The following CACNA1C variants were observed in gnomAD, a reference collection of about 807,000 sequenced individuals.
CACNA1C encodes the protein voltage-dependent L-type calcium channel subunit alpha-1C.
CACNA1C carries 30 observed loss-of-function variants against 229.0 expected under a neutral mutation model. The observed-to-expected ratio is 0.13, with a 90% CI of 0.10 to 0.18. CACNA1C has a LOEUF of 0.18. Among genes scored for constraint, CACNA1C ranks in the 10% least tolerant of loss-of-function variants. The pLI is 1.00. For missense variants in CACNA1C, 1,658 were observed against 2,845.0 expected (o/e 0.58, Z 9.49); for synonymous variants, 1,114 against 1,132.5 (o/e 0.98, Z 0.33).
At chr12:2,394,965 A>G (rs1256501426) in intron 3 of CACNA1C, among the ~76,000 whole-genome samples, 2 of 152,062 alleles carry the variant, frequency 1.3e-5, no homozygotes. Flanking sequence ...TGTTTATTTC[A>G]CTTAGTTTCC....
chr12:2,146,200 A>G (rs1724798162), intron 3 of CACNA1C, among the ~76,000 whole-genome samples: 1 of 151,004 alleles, frequency 6.6e-6, no homozygotes, highest in African/African-American at 2.4e-5. Context: ...GGAATTTATG[A>G]TCAGACTGGG....
rs533341825 is a variant in CACNA1C at position 2,589,668 on chromosome 12, G to A, written c.2531-3545G>A. Among the ~76,000 whole-genome samples, 6 of 152,100 alleles carry A rather than the reference G, an allele frequency of 3.9e-5. No homozygotes were observed. The South Asian group carries it at 1.2e-3, about 32-fold the overall frequency. The stretch of plus-strand genomic sequence containing the variant: ...GTCTGAGCAGAGGAGGCCCTGACCT[G>A]ATGTCCGACTCACCCTTTCAGAGAT... On this transcript the variant is annotated intron_variant, in intron 18 of 46. Coordinates refer to ENST00000399655, the MANE Select transcript of CACNA1C (RefSeq NM_000719.7).
intron 3 of CACNA1C, among the ~76,000 whole-genome samples, chr12:2,256,637 G>A (rs2077985363): frequency 1.3e-5 from 2 of 152,220 alleles, no homozygotes; most frequent in Non-Finnish European, 2.9e-5. Context: ...ACGTAAAGCA[G>A]ATGGCGCGTT....
At chr12:2,135,736 T>G (rs1483539017) in intron 3 of CACNA1C, among the ~76,000 whole-genome samples, 1 of 146,366 alleles carries the variant, frequency 6.8e-6, no homozygotes, top group African/African-American at 2.7e-5. Context: ...CATTTAAGTC[T>G]GCAGAAGTTA....
intron 1 of CACNA1C, chr12:2,004,466 T>C: frequency 6.3e-6 from 10 of 1,582,152 alleles, no homozygotes; most frequent in African/African-American, 1.3e-5. Context: ...ACGGGGCTCT[T>C]GGAAGCCACT....
At chr12:2,035,041 G>A (rs747308668) in intron 1 of CACNA1C, among the ~76,000 whole-genome samples, 2 of 152,192 alleles carry the variant, frequency 1.3e-5, no homozygotes, top group African/African-American at 4.8e-5. Flanking sequence ...CCGCAACCGC[G>A]ACAGCCCCGT....
Position 2,324,892 on chromosome 12 carries a change from C to T in CACNA1C, c.478-124084C>T, listed in dbSNP as rs569631071. Among the ~76,000 whole-genome samples, 3 of 152,198 alleles carry T rather than the reference C, an allele frequency of 2.0e-5. No homozygotes were observed. In the South Asian group the frequency reaches 6.2e-4, roughly 32 times the overall value. On this transcript the variant is annotated intron_variant, in intron 3 of 46. Transcript: ENST00000399655. ...AGTACCTACTACGTGCCAGGGACTG[C>T]GCTGGATAGCTTTCTGTAAGCTATT... is the stretch of plus-strand genomic sequence containing the variant.
At chr12:2,509,687 G>A (rs538018359) in intron 8 of CACNA1C, among the ~76,000 whole-genome samples, 2 of 152,178 alleles carry the variant, frequency 1.3e-5, no homozygotes, top group East Asian at 1.9e-4. Context: ...TATGCTTGGG[G>A]CCATTTTAAA....
chr12:2,556,877 C>T (rs2044603076), intron 10 of CACNA1C, 74 bp from the exon 11 acceptor site: 3 of 1,269,548 alleles, frequency 2.4e-6, no homozygotes, highest in African/African-American at 2.9e-5. Flanking sequence ...ATCAAATTTC[C>T]CTGGGACTGT....
At chr12:1,972,940 T>A (rs979405267) in intron 1 of CACNA1C, among the ~76,000 whole-genome samples, 6 of 152,198 alleles carry the variant, frequency 3.9e-5, no homozygotes, top group African/African-American at 1.4e-4. Context: ...GCAATGACGC[T>A]GCCTGTGTGC....
chr12:2,482,135 T>C (rs2099678217), intron 5 of CACNA1C, among the ~76,000 whole-genome samples: 1 of 152,182 alleles, frequency 6.6e-6, no homozygotes, highest in Non-Finnish European at 1.5e-5. Flanking sequence ...CCGCACGCCT[T>C]CACAAGCCAG....
At chr12:2,125,236 G>A (rs939835626) in intron 3 of CACNA1C, among the ~76,000 whole-genome samples, 1 of 152,122 alleles carries the variant, frequency 6.6e-6, no homozygotes, top group African/African-American at 2.4e-5. Context: ...TCAAAATCGT[G>A]GCTCATGGCA....
intron 1 of CACNA1C, among the ~76,000 whole-genome samples, chr12:2,005,916 C>T (rs1471274252): frequency 1.3e-5 from 2 of 152,220 alleles, no homozygotes; most frequent in Non-Finnish European, 2.9e-5. Flanking sequence ...AGAATATCCA[C>T]AATTGTCTGA....
At chr12:2,258,997 C>G (rs1280283443) in intron 3 of CACNA1C, among the ~76,000 whole-genome samples, 1 of 152,196 alleles carries the variant, frequency 6.6e-6, no homozygotes, top group African/African-American at 2.4e-5. Context: ...TGGAATTACA[C>G]TAGTGAGTTC....
chr12:2,559,885 TTAAAAAA>T (rs751302483), intron 11 of CACNA1C, among the ~76,000 whole-genome samples: 1 of 152,222 alleles, frequency 6.6e-6, no homozygotes, highest in Non-Finnish European at 1.5e-5. Context: ...AGTAGGCAGG[TTAAAAAA>T]TAAAAAGAAA....
intron 3 of CACNA1C, among the ~76,000 whole-genome samples, chr12:2,167,076 C>T (rs1004650249): frequency 6.6e-6 from 1 of 152,208 alleles, no homozygotes; most frequent in African/African-American, 2.4e-5. Context: ...ATTCAACCCA[C>T]GTTTATCATC....
intron 3 of CACNA1C, among the ~76,000 whole-genome samples, chr12:2,150,921 G>A (rs1055091897): frequency 7.9e-5 from 12 of 152,184 alleles, no homozygotes; most frequent in Admixed American, 1.3e-4. Context: ...GGTGGTCAAC[G>A]CCACTTCTGG....
intron 9 of CACNA1C, among the ~76,000 whole-genome samples, chr12:2,519,143 T>C (rs779111185): frequency 4.3e-4 from 66 of 152,344 alleles, no homozygotes; most frequent in Admixed American, 9.1e-4. Context: ...CATCCCCATT[T>C]ATCTTGTGGA....
intron 3 of CACNA1C, among the ~76,000 whole-genome samples, chr12:2,254,681 A>AACTACTCC (rs1408255269): frequency 6.6e-6 from 1 of 152,106 alleles, no homozygotes; most frequent in Admixed American, 6.5e-5. Flanking sequence ...AAGCCACTCA[A>AACTACTCC]ACTACTCCAT....
Sources: gnomAD v4.1 joint callset for allele counts (sites outside exome capture counted in the v4.1 genomes callset) on GRCh38, gnomAD v4.1.1 for gene constraint, MANE v1.5 for transcripts, NCBI Gene and HGNC (gene_info 2026-07-23, HGNC 2026-07-21) for gene names.